The following PON2 variants were observed in gnomAD, a reference collection of about 807,000 sequenced individuals.
PON2 encodes the protein paraoxonase 2, also known as serum paraoxonase/arylesterase 2.
A neutral mutation model predicts 36.6 loss-of-function variants in PON2; 27 were observed. The observed-to-expected ratio is 0.74, with a 90% CI of 0.54 to 1.02. PON2 has a LOEUF of 1.02. PON2 is among the 50% of genes least tolerant of loss of function. PON2 has a pLI of 0.00. For missense variants in PON2, 363 were observed against 421.1 expected (o/e 0.86, Z 1.21); for synonymous variants, 149 against 156.3 (o/e 0.95, Z 0.35).
At chr7:95,424,092 A>T (rs17876090) in intron 2 of PON2, 52,634 of 214,606 alleles carry the variant, frequency 0.25, 7,151 homozygotes, top group South Asian at 0.37. Flanking sequence ...TTGGTCAGTT[A>T]CGTGTTAGCC....
chr7:95,430,317 G>GTTTTTTTTTTTTTTTTTTTT (rs888812275), intron 1 of PON2, among the ~76,000 whole-genome samples: 1 of 142,106 alleles, frequency 7.0e-6, no homozygotes, highest in Non-Finnish European at 1.6e-5. Context: ...AAATTTTTTT[G>GTTTTTTTTTTTTTTTTTTTT]TTTTTTTTTT....
At chr7:95,421,718 C>CA (rs1789196805) in intron 2 of PON2, among the ~76,000 whole-genome samples, 1 of 151,580 alleles carries the variant, frequency 6.6e-6, no homozygotes, top group Non-Finnish European at 1.5e-5. Flanking sequence ...TGGGGAAATA[C>CA]AAAAGTATCA....
chr7:95,406,909 T>C (rs777274099), intron 7 of PON2, 78 bp downstream of exon 7: 4 of 860,226 alleles, frequency 4.6e-6, no homozygotes, highest in Non-Finnish European at 7.5e-6. Flanking sequence ...TTGTTCTACG[T>C]GTGGTACTCT....
chr7:95,411,811 A>G, intron 4 of PON2, 32 bp from the exon 5 acceptor site: 1 of 1,610,966 alleles, frequency 6.2e-7, no homozygotes, highest in South Asian at 1.1e-5. Context: ...GTTAATTTAC[A>G]AGACATAACT....
At chr7:95,413,781 T>C (rs959149496) in intron 3 of PON2, among the ~76,000 whole-genome samples, 3 of 152,196 alleles carry the variant, frequency 2.0e-5, no homozygotes, top group Non-Finnish European at 4.4e-5. Flanking sequence ...ATGTATAAAA[T>C]TGGACATAAG....
At chr7:95,423,368 A>G (rs1298838741) in intron 2 of PON2, among the ~76,000 whole-genome samples, 3 of 151,990 alleles carry the variant, frequency 2.0e-5, no homozygotes, top group African/African-American at 4.8e-5. Flanking sequence ...AGGAAAGCCA[A>G]TATTTATTGT....
intron 1 of PON2, among the ~76,000 whole-genome samples, chr7:95,431,796 C>T (rs1007541205): frequency 1.3e-5 from 2 of 151,844 alleles, no homozygotes; most frequent in Admixed American, 1.3e-4. Flanking sequence ...TGATAAAATA[C>T]AGGGTACCCA....
At chr7:95,422,556 G>A (rs1789217754) in intron 2 of PON2, among the ~76,000 whole-genome samples, 1 of 152,148 alleles carries the variant, frequency 6.6e-6, no homozygotes, top group Admixed American at 6.5e-5. Flanking sequence ...CAAAAAGCTA[G>A]TTTTGAAATA....
chr7:95,409,726 GTAAA>G (rs1395531708), intron 6 of PON2, 171 bp downstream of exon 6: 1 of 203,872 alleles, frequency 4.9e-6, no homozygotes, highest in Non-Finnish European at 9.2e-6. Flanking sequence ...CTAAGTATAT[GTAAA>G]TATATATACA....
chr7:95,423,728 G>C (rs146003398), intron 2 of PON2, among the ~76,000 whole-genome samples: 2 of 152,226 alleles, frequency 1.3e-5, no homozygotes, highest in East Asian at 3.9e-4. Flanking sequence ...CCGTTCTCAG[G>C]CTGCTAATAA....
intron 1 of PON2, among the ~76,000 whole-genome samples, chr7:95,431,302 A>G (rs1370271908): frequency 6.6e-6 from 1 of 152,202 alleles, no homozygotes; most frequent in Non-Finnish European, 1.5e-5. Context: ...CCAAAGTACC[A>G]TCTCTAAATA....
At chr7:95,419,521 G>C (rs2116484063) in intron 2 of PON2, among the ~76,000 whole-genome samples, 1 of 152,236 alleles carries the variant, frequency 6.6e-6, no homozygotes, top group Non-Finnish European at 1.5e-5. Context: ...TGTCAGAGGT[G>C]GCCAAGTGTT....
At chr7:95,408,303 T>C (rs1281440881) in intron 6 of PON2, among the ~76,000 whole-genome samples, 3 of 151,898 alleles carry the variant, frequency 2.0e-5, no homozygotes, top group Non-Finnish European at 4.4e-5. Context: ...AGAAAACAAA[T>C]TGGAAGAAAG....
intron 7 of PON2, 68 bp from the exon 8 acceptor site, chr7:95,406,315 C>T (rs1809692859): frequency 2.0e-6 from 3 of 1,497,854 alleles, no homozygotes; most frequent in Non-Finnish European, 1.9e-6. Context: ...TAGAGGTAAC[C>T]TTCCTGCCTC....
chr7:95,431,093 A>G (rs903438469), intron 1 of PON2, among the ~76,000 whole-genome samples: 7 of 152,012 alleles, frequency 4.6e-5, no homozygotes, highest in Non-Finnish European at 8.8e-5. Flanking sequence ...GTACCTTGAC[A>G]CCAGGAACTG....
In PON2 at chr7:95,412,431, C is replaced by T. The variant is rs553703460; in HGVS notation, c.248G>A (p.Gly83Glu). ...GLHSFAPDKP[G>E]GILMMDLKEE... The stretch of plus-strand genomic sequence containing the variant: ...TTTTAGATCCATCATTAGTATTCCT[C>T]CAGGCTTATCTGGTGCAAAGCTGTG... The change falls in exon 4 of 9, where the codon GGA becomes GAA. Residue 83 changes from glycine to glutamate, a missense_variant. Physicochemically the swap from Gly to Glu is moderately conservative, Grantham distance 98. Coordinates refer to ENST00000222572, the MANE Select transcript of PON2 (RefSeq NM_000305.3). 125 of 1,614,056 alleles carry T rather than the reference C, an allele frequency of 7.7e-5. 2 individuals carry two copies. The South Asian group carries it at 1.2e-3, about 16-fold the overall frequency.
At chr7:95,422,400 A>G (rs1380774395) in intron 2 of PON2, among the ~76,000 whole-genome samples, 2 of 152,078 alleles carry the variant, frequency 1.3e-5, no homozygotes, top group African/African-American at 4.8e-5. Flanking sequence ...AGAGATTTTT[A>G]TTTTTATTTA....
intron 2 of PON2, among the ~76,000 whole-genome samples, chr7:95,419,981 T>A (rs904325140): frequency 6.6e-6 from 1 of 152,236 alleles, no homozygotes; most frequent in African/African-American, 2.4e-5. Flanking sequence ...TGTAACATAT[T>A]ATTTCCTACT....
chr7:95,411,801 G>A (rs1378821800), intron 4 of PON2, 22 bp from the exon 5 acceptor site: 2 of 1,612,144 alleles, frequency 1.2e-6, no homozygotes, highest in African/African-American at 1.3e-5. Flanking sequence ...AAAGAACAGA[G>A]TTAATTTACA....
Sources: allele counts gnomAD v4.1 joint callset (sites outside exome capture counted in the v4.1 genomes callset), GRCh38; gene constraint gnomAD v4.1.1; transcripts MANE v1.5; gene names NCBI Gene and HGNC (gene_info 2026-07-23, HGNC 2026-07-21).